The following ZNRF1 variants were observed in gnomAD, a reference collection of about 807,000 sequenced individuals.
The protein encoded by ZNRF1 is E3 ubiquitin-protein ligase ZNRF1.
In ZNRF1, 3 loss-of-function variants were observed where a neutral mutation model predicts 18.4. That is an observed-to-expected ratio of 0.16 (90% CI 0.07 to 0.42). The LOEUF (loss-of-function observed/expected upper bound fraction) is 0.42. Among genes scored for constraint, ZNRF1 ranks in the 10% least tolerant of loss-of-function variants. ZNRF1 has a pLI of 0.99. For synonymous variants in ZNRF1, 157 were observed against 144.2 expected, an observed-to-expected ratio of 1.09 and a Z score of -0.64; for missense variants, 310 against 329.8, an observed-to-expected ratio of 0.94 and a Z score of 0.47.
At chr16:75,104,753 C>T in intron 2 of ZNRF1, 31 bp from the exon 3 acceptor site, 1 of 1,562,482 alleles carries the variant, frequency 6.4e-7, no homozygotes. Flanking sequence ...GGTGACTAAC[C>T]CTCCTGCACT....
intron 1 of ZNRF1, among the ~76,000 whole-genome samples, chr16:75,054,127 T>C (rs2035640923): frequency 6.6e-6 from 1 of 152,222 alleles, no homozygotes. Context: ...GTTTCGTGGT[T>C]CCTGTGAAAA....
chr16:75,059,465 T>C (rs2145385475), intron 1 of ZNRF1, among the ~76,000 whole-genome samples: 1 of 152,010 alleles, frequency 6.6e-6, no homozygotes, highest in East Asian at 1.9e-4. Context: ...CCAGGCTGGA[T>C]ATCTTGGATT....
At chr16:75,081,696 G>A (rs932497494) in intron 1 of ZNRF1, among the ~76,000 whole-genome samples, 1 of 152,174 alleles carries the variant, frequency 6.6e-6, no homozygotes, top group Admixed American at 6.5e-5. Flanking sequence ...ATGTTCAGTC[G>A]AATGACTGGG....
At chr16:75,013,824 T>A (rs937317069) in intron 1 of ZNRF1, among the ~76,000 whole-genome samples, 2 of 152,104 alleles carry the variant, frequency 1.3e-5, no homozygotes, top group African/African-American at 4.8e-5. Flanking sequence ...TATTTATTTT[T>A]AATTTAATTT....
chr16:75,092,549 T>C (rs562766783), intron 1 of ZNRF1, among the ~76,000 whole-genome samples: 2 of 152,338 alleles, frequency 1.3e-5, no homozygotes, highest in South Asian at 4.1e-4. Context: ...ATCATTTCAA[T>C]GAAAGTAGAT....
intron 2 of ZNRF1, chr16:75,095,769 T>G (rs1352022312): frequency 6.7e-7 from 1 of 1,501,266 alleles, no homozygotes; most frequent in East Asian, 2.5e-5. Flanking sequence ...GTCCAGCTCC[T>G]CTGCCAGAGA....
intron 4 of ZNRF1, chr16:75,107,524 G>C (rs1208744632): frequency 2.9e-6 from 1 of 342,900 alleles, no homozygotes; most frequent in Admixed American, 4.0e-5. Flanking sequence ...CTGATGACAA[G>C]GGGAGAAGAA....
At chr16:75,000,966 A>T (rs1489667088) in intron 1 of ZNRF1, among the ~76,000 whole-genome samples, 2 of 152,198 alleles carry the variant, frequency 1.3e-5, no homozygotes, top group East Asian at 1.9e-4. Flanking sequence ...GGCCAGCAAA[A>T]GGTTGGAGGG....
rs1397073436 is a variant in ZNRF1 at position 75,079,290 on chromosome 16, G to A, written c.425-14282G>A. On this transcript the variant is annotated intron_variant, in intron 1 of 4. Transcript: ENST00000335325. The stretch of plus-strand genomic sequence containing the variant: ...AGGTCAAAAGATCAAGACCATCCTG[G>A]CCAACATGGTGAAACCCCGTCTCTA... Among the ~76,000 whole-genome samples the A allele has an allele frequency of 2.6e-5, 4 of 152,122 alleles. No homozygotes were observed. In the East Asian group the frequency reaches 7.7e-4, roughly 29 times the overall value.
chr16:75,071,550 A>T (rs1227372120), intron 1 of ZNRF1, among the ~76,000 whole-genome samples: 3 of 152,120 alleles, frequency 2.0e-5, no homozygotes, highest in Admixed American at 2.0e-4. Context: ...TGAAATAGGC[A>T]GTGGCTGCAT....
intron 2 of ZNRF1, among the ~76,000 whole-genome samples, chr16:75,099,780 C>T (rs1026974420): frequency 1.3e-5 from 2 of 152,196 alleles, no homozygotes; most frequent in Non-Finnish European, 2.9e-5. Context: ...AGGCCCCCGC[C>T]ATGGCTTTTC....
intron 1 of ZNRF1, among the ~76,000 whole-genome samples, chr16:75,068,865 G>A (rs2035835278): frequency 6.6e-6 from 1 of 151,668 alleles, no homozygotes. Flanking sequence ...TCCCTTACTT[G>A]TCTGAGTCTT....
intron 1 of ZNRF1, among the ~76,000 whole-genome samples, chr16:75,003,460 CACTCTG>C: frequency 6.6e-6 from 1 of 152,294 alleles, no homozygotes; most frequent in South Asian, 2.1e-4. Flanking sequence ...ACTTAATCAT[CACTCTG>C]ACTCTATGGA....
intron 1 of ZNRF1, among the ~76,000 whole-genome samples, chr16:75,035,128 C>A (rs191537068): frequency 9.3e-5 from 14 of 150,408 alleles, no homozygotes; most frequent in South Asian, 4.3e-4. Flanking sequence ...CTCCACCCCC[C>A]CTCCCCAGGT....
In ZNRF1 at chr16:75,108,812, G is replaced by T; in HGVS notation, c.*1112G>T. ...ACCTACCTCCTTAGCATTCCTTCAG[G>T]CTGCTACTCGGGGCTCCAGGTGTGT... On this transcript the variant is annotated 3_prime_UTR_variant, in exon 5 of 5. Coordinates refer to ENST00000335325, the MANE Select transcript of ZNRF1 (RefSeq NM_032268.5). 1 of 355,754 alleles carries T rather than the reference G, an allele frequency of 2.8e-6. No homozygotes were observed. The highest frequency in any genetic ancestry group is 4.1e-5 in the East Asian group (1 of 24,432). The allele number at this position is 355,754 out of a possible 1,614,324, so 22.0% of individuals were successfully genotyped here. A position where few individuals can be genotyped will look rare whatever the true frequency, so the allele number is the denominator to read the frequency against.
intron 1 of ZNRF1, among the ~76,000 whole-genome samples, chr16:75,011,403 C>A (rs2034997696): frequency 6.6e-6 from 1 of 152,072 alleles, no homozygotes; most frequent in Non-Finnish European, 1.5e-5. Flanking sequence ...TAACTAAAAA[C>A]AAACTTTTTT....
chr16:75,108,924 A>G lies in ZNRF1; in HGVS notation c.*1224A>G, dbSNP rs773644560. 2.5e-4 allele frequency: 49 copies of G among 199,524 alleles called. No individual in the cohort carries two copies. Among genetic ancestry groups the G allele is most frequent in the Non-Finnish European group, 4.1e-4 (41 of 100,040 alleles). The allele number at this position is 199,524 out of a possible 1,614,324, so 12.4% of individuals were successfully genotyped here. ...CAAGCTTCCTAACCTCTTAAGCATC[A>G]TGGAACCAGTCAGCCCTCTGTGGAG... On this transcript the variant is annotated 3_prime_UTR_variant, in exon 5 of 5. Coordinates refer to ENST00000335325, the MANE Select transcript of ZNRF1 (RefSeq NM_032268.5).
chr16:75,069,219 A>G (rs1405879406), intron 1 of ZNRF1, among the ~76,000 whole-genome samples: 2 of 152,160 alleles, frequency 1.3e-5, no homozygotes, highest in Middle Eastern at 3.4e-3. Flanking sequence ...GCACATAGAC[A>G]TCTCCAGTAT....
rs181203255 is a variant in ZNRF1 at position 75,033,968 on chromosome 16, G to A, written c.424+33873G>A. On this transcript the variant is annotated intron_variant, in intron 1 of 4. Coordinates refer to ENST00000335325, the MANE Select transcript of ZNRF1 (RefSeq NM_032268.5). ...TTGAGACCAGTCTGGGCAACATGGT[G>A]AAACCCCGACTCTACTAAAATACAA... Among the ~76,000 whole-genome samples, 1,033 of 145,530 alleles carry A rather than the reference G, an allele frequency of 7.1e-3. 8 individuals carry two copies. Among genetic ancestry groups the A allele is most frequent in the African/African-American group, 0.025 (1,001 of 39,268 alleles).
Sources: gnomAD v4.1 joint callset for allele counts (sites outside exome capture counted in the v4.1 genomes callset) on GRCh38, gnomAD v4.1.1 for gene constraint, MANE v1.5 for transcripts, NCBI Gene and HGNC (gene_info 2026-07-23, HGNC 2026-07-21) for gene names.